ELP4: variants seen among roughly 807,000 people sequenced by gnomAD.
ELP4 encodes elongator acetyltransferase complex subunit 4.
In ELP4, 51 loss-of-function variants were observed where a neutral mutation model predicts 48.9. The observed-to-expected ratio is 1.04, with a 90% CI of 0.83 to 1.32. The LOEUF is 1.32. Among genes scored for constraint, ELP4 ranks in the 40% most tolerant of loss-of-function variants. ELP4 has a pLI of 0.00. For synonymous variants in ELP4, 210 were observed against 189.2 expected (o/e 1.11, Z -0.90); for missense variants, 519 against 514.6 (o/e 1.01, Z -0.08).
chr11:31,763,396 T>C (rs779545094), intron 9 of ELP4: 49 of 1,577,446 alleles, frequency 3.1e-5, no homozygotes, highest in Non-Finnish European at 4.1e-5. Flanking sequence ...GTTGTGTCTC[T>C]TTTCTCTGAG....
At chr11:31,630,227 CTTTTTTTT>C (rs11441798) in intron 6 of ELP4, among the ~76,000 whole-genome samples, 6,023 of 128,470 alleles carry the variant, frequency 0.047, 189 homozygotes, top group Middle Eastern at 0.078. Context: ...TTCTAAAATC[CTTTTTTTT>C]TTTTTTTTTT....
intron 2 of ELP4, among the ~76,000 whole-genome samples, chr11:31,532,370 A>G (rs947468505): frequency 6.6e-6 from 1 of 152,244 alleles, no homozygotes; most frequent in Non-Finnish European, 1.5e-5. Context: ...GCACGGAGAA[A>G]GCTGAGCTAG....
intron 1 of ELP4, 102 bp downstream of exon 1, chr11:31,510,109 C>A (rs1238555500): frequency 2.8e-6 from 3 of 1,075,626 alleles, no homozygotes; most frequent in Non-Finnish European, 4.1e-6. Context: ...GACCCCTAAA[C>A]CTTCGGAGGA....
Position 31,790,189 on chromosome 11 carries a change from C to A in ELP4, c.*6665C>A. 1.6e-6 allele frequency: 1 copy of A among 622,286 alleles called. No individual in the cohort carries two copies. The highest frequency in any genetic ancestry group is 2.8e-6 in the Non-Finnish European group (1 of 360,322). The allele number at this position is 622,286 out of a possible 1,614,324, so 38.5% of individuals were successfully genotyped here. A position where few individuals can be genotyped will look rare whatever the true frequency, so the allele number is the denominator to read the frequency against. On this transcript the variant is annotated 3_prime_UTR_variant, in exon 10 of 10. Coordinates refer to ENST00000640961, the MANE Select transcript of ELP4 (RefSeq NM_019040.5). The stretch of plus-strand genomic sequence containing the variant: ...TTGTTACAAATAAAAGTAGCACCTT[C>A]AGAAACTAGACAATATATGTATATA...
chr11:31,645,577 T>C (rs1442131380), intron 7 of ELP4: 1 of 151,812 alleles, frequency 6.6e-6, no homozygotes, highest in Non-Finnish European at 1.5e-5. Context: ...ATAGATGAGT[T>C]CTAACAAAAA....
chr11:31,659,883 T>C (rs1161967523), intron 9 of ELP4, among the ~76,000 whole-genome samples: 1 of 151,990 alleles, frequency 6.6e-6, no homozygotes, highest in East Asian at 1.9e-4. Flanking sequence ...TCCAAGCTAC[T>C]TGGGAGGCTG....
chr11:31,726,744 A>T (rs989860606), intron 9 of ELP4, among the ~76,000 whole-genome samples: 1 of 152,210 alleles, frequency 6.6e-6, no homozygotes, highest in African/African-American at 2.4e-5. Flanking sequence ...TGATTATAGA[A>T]CCGTCTTTTA....
In ELP4 at chr11:31,789,578, A is replaced by C; in HGVS notation, c.*6054A>C. 3.8e-6 allele frequency: 1 copy of C among 261,444 alleles called. No homozygotes were observed. Among genetic ancestry groups the C allele is most frequent in the Non-Finnish European group, 7.2e-6 (1 of 139,586 alleles). 16.2% of individuals were successfully genotyped at this position (261,444 alleles called of 1,614,324 possible). ...GCTTGTTGATCATGGTTTTCTTTTT[A>C]AAAAAAAAAAAAACAACTTCATGAC... is the stretch of plus-strand genomic sequence containing the variant. On this transcript the variant is annotated 3_prime_UTR_variant, in exon 10 of 10. Coordinates refer to ENST00000640961, the MANE Select transcript of ELP4 (RefSeq NM_019040.5).
intron 7 of ELP4, among the ~76,000 whole-genome samples, chr11:31,641,902 T>C (rs1945106854): frequency 6.6e-6 from 1 of 151,970 alleles, no homozygotes; most frequent in Non-Finnish European, 1.5e-5. Flanking sequence ...ATATTAGCAA[T>C]TGTTTTTCAA....
chr11:31,531,239 A>T (rs995619682), intron 2 of ELP4, among the ~76,000 whole-genome samples: 1 of 152,220 alleles, frequency 6.6e-6, no homozygotes, highest in Non-Finnish European at 1.5e-5. Context: ...TTCAAACTAT[A>T]GTAGATGTGG....
At chr11:31,619,497 G>A (rs1382034756) in intron 5 of ELP4, among the ~76,000 whole-genome samples, 1 of 151,862 alleles carries the variant, frequency 6.6e-6, no homozygotes. Context: ...TCTGGTGAGG[G>A]CCCACTTTCT....
intron 9 of ELP4, among the ~76,000 whole-genome samples, chr11:31,718,573 A>G (rs1212075943): frequency 6.6e-6 from 1 of 152,192 alleles, no homozygotes; most frequent in Non-Finnish European, 1.5e-5. Context: ...TTTGGAATCA[A>G]CTAGGAGTGT....
chr11:31,565,158 G>A (rs1262250762), intron 3 of ELP4, among the ~76,000 whole-genome samples: 1 of 152,122 alleles, frequency 6.6e-6, no homozygotes, highest in East Asian at 1.9e-4. Flanking sequence ...TGTGTCTGTT[G>A]GTTGCATAAA....
chr11:31,745,421 C>T (rs1368248967), intron 9 of ELP4, among the ~76,000 whole-genome samples: 1 of 152,138 alleles, frequency 6.6e-6, no homozygotes, highest in Non-Finnish European at 1.5e-5. Context: ...AAAAAAGAGC[C>T]CACTTCGCCA....
intron 9 of ELP4, among the ~76,000 whole-genome samples, chr11:31,704,867 C>T (rs571907673): frequency 1.4e-4 from 21 of 151,614 alleles, no homozygotes; most frequent in Non-Finnish European, 2.4e-4. Flanking sequence ...AAAAGTTAGC[C>T]GGGCATGGTG....
At chr11:31,618,334 T>C (rs1446729760) in intron 5 of ELP4, among the ~76,000 whole-genome samples, 2 of 152,102 alleles carry the variant, frequency 1.3e-5, no homozygotes, top group Admixed American at 1.3e-4. Context: ...CAAGGTCAAG[T>C]TGCCAGCATG....
At chr11:31,770,033 G>A (rs941613906) in intron 9 of ELP4, among the ~76,000 whole-genome samples, 2 of 152,104 alleles carry the variant, frequency 1.3e-5, no homozygotes, top group Non-Finnish European at 2.9e-5. Context: ...TAAAATAGTA[G>A]TCTATCTAAA....
chr11:31,722,673 CT>C (rs1327368944), intron 9 of ELP4, among the ~76,000 whole-genome samples: 5 of 132,478 alleles, frequency 3.8e-5, no homozygotes, highest in African/African-American at 1.6e-4. Flanking sequence ...TCTTCTCTCT[CT>C]CTCTCTCTCT....
chr11:31,590,652 A>G (rs1011755869), intron 3 of ELP4, among the ~76,000 whole-genome samples: 4 of 152,218 alleles, frequency 2.6e-5, no homozygotes, highest in African/African-American at 9.6e-5. Context: ...TGCAAGCTGT[A>G]CAGAAAGCAT....
Sources: allele counts gnomAD v4.1 joint callset (sites outside exome capture counted in the v4.1 genomes callset), GRCh38; gene constraint gnomAD v4.1.1; transcripts MANE v1.5; gene names NCBI Gene and HGNC (gene_info 2026-07-23, HGNC 2026-07-21).